NCK2: variants seen among roughly 807,000 people sequenced by gnomAD.
NCK2 encodes cytoplasmic protein NCK2.
Under a neutral mutation model 33.9 loss-of-function variants are expected in NCK2, and 16 were observed. That is an observed-to-expected ratio of 0.47 (90% CI 0.32 to 0.72). The LOEUF is 0.72. Ranked by LOEUF, NCK2 falls within the 30% of genes least tolerant of loss-of-function variation. The pLI is 0.03. For missense variants in NCK2, 418 were observed against 537.3 expected, an observed-to-expected ratio of 0.78 and a Z score of 2.19; for synonymous variants, 273 against 239.9, an observed-to-expected ratio of 1.14 and a Z score of -1.27.
chr2:105,746,689 G>T (rs566555989), intron 1 of NCK2, among the ~76,000 whole-genome samples: 10 of 152,304 alleles, frequency 6.6e-5, no homozygotes, highest in African/African-American at 2.4e-4. Flanking sequence ...GTTTTTTGAC[G>T]TTTGGAACAG....
intron 1 of NCK2, among the ~76,000 whole-genome samples, chr2:105,814,845 G>A (rs559186124): frequency 5.9e-5 from 9 of 152,312 alleles, no homozygotes; most frequent in South Asian, 2.1e-4. Flanking sequence ...CCAAACAACT[G>A]CATAAAACAA....
At chr2:105,846,457 A>G (rs763069551) in intron 2 of NCK2, 39 of 132,936 alleles carry the variant, frequency 2.9e-4, no homozygotes, top group Non-Finnish European at 4.9e-4. Flanking sequence ...GTAAAGATAA[A>G]TTAATGGTAG....
intron 1 of NCK2, among the ~76,000 whole-genome samples, chr2:105,791,848 G>A (rs548928688): frequency 5.9e-5 from 9 of 152,272 alleles, no homozygotes; most frequent in East Asian, 3.9e-4. Context: ...TTTAACACCC[G>A]AATAACTTAC....
At chr2:105,775,960 G>T (rs902067171) in intron 1 of NCK2, among the ~76,000 whole-genome samples, 5 of 152,238 alleles carry the variant, frequency 3.3e-5, no homozygotes, top group African/African-American at 1.2e-4. Context: ...AACAGTGCGA[G>T]GGATAATTGT....
At position 105,893,041 on chromosome 2, in the gene NCK2, G is replaced by C. The variant is rs1679055730; in HGVS notation, c.1008G>C (p.Gln336His). The C allele has an allele frequency of 6.2e-7, 1 of 1,614,210 alleles. No individual in the cohort carries two copies. Among genetic ancestry groups the C allele is most frequent in the Non-Finnish European group, 8.5e-7 (1 of 1,180,036 alleles). The change falls in exon 5 of 5, where the codon CAG becomes CAC. Residue 336 changes from glutamine to histidine, a missense_variant. Physicochemically the swap from Gln to His is conservative, Grantham distance 24. Coordinates refer to ENST00000233154, the MANE Select transcript of NCK2 (RefSeq NM_003581.5). ...ASGKNKHFKV[Q>H]LVDNVYCIGQ... ...GGAAGAACAAACACTTCAAGGTGCA[G>C]CTCGTGGACAATGTCTACTGCATTG...
At chr2:105,834,168 G>A (rs1676303523) in intron 2 of NCK2, among the ~76,000 whole-genome samples, 1 of 152,194 alleles carries the variant, frequency 6.6e-6, no homozygotes. Flanking sequence ...GATACATAGT[G>A]CAGTTTAAGT....
chr2:105,769,016 C>A (rs950785150), intron 1 of NCK2, among the ~76,000 whole-genome samples: 2 of 152,158 alleles, frequency 1.3e-5, no homozygotes, highest in African/African-American at 4.8e-5. Flanking sequence ...TTCCCACTCT[C>A]TAATCACACG....
At chr2:105,790,622 C>T (rs1421051629) in intron 1 of NCK2, among the ~76,000 whole-genome samples, 1 of 152,222 alleles carries the variant, frequency 6.6e-6, no homozygotes, top group Non-Finnish European at 1.5e-5. Context: ...CTTACTGCAT[C>T]CCCCGCACCT....
At chr2:105,799,375 C>A (rs1301304527) in intron 1 of NCK2, among the ~76,000 whole-genome samples, 1 of 151,942 alleles carries the variant, frequency 6.6e-6, no homozygotes, top group South Asian at 2.1e-4. Context: ...GGAATTTATC[C>A]TGTTGTGGGC....
At chr2:105,753,017 G>A (rs771835741) in intron 1 of NCK2, among the ~76,000 whole-genome samples, 12 of 152,192 alleles carry the variant, frequency 7.9e-5, no homozygotes, top group South Asian at 2.1e-4. Context: ...TATCTTCATC[G>A]CTAAGGAAAG....
chr2:105,764,522 A>G (rs12052296), intron 1 of NCK2, among the ~76,000 whole-genome samples: 51,208 of 152,108 alleles, frequency 0.34, 9,747 homozygotes, highest in East Asian at 0.46. Flanking sequence ...AGGAGGCAGA[A>G]TGATACTGGT....
intron 2 of NCK2, among the ~76,000 whole-genome samples, chr2:105,838,442 C>G (rs1056465042): frequency 3.9e-5 from 6 of 151,962 alleles, no homozygotes; most frequent in African/African-American, 1.5e-4. Flanking sequence ...GGAAGATTCA[C>G]TCTTTATTAC....
chr2:105,772,730 T>G lies in NCK2; in HGVS notation c.-201+27592T>G, dbSNP rs114341196. ...CTACTAGAGTTTTTCCCCGAAACTC[T>G]TCTTTCTGGAATTGACTTCTTCTCC... On this transcript the variant is annotated intron_variant, in intron 1 of 4. Coordinates refer to ENST00000233154, the MANE Select transcript of NCK2 (RefSeq NM_003581.5). Among the ~76,000 whole-genome samples, 1,317 of 152,128 alleles carry G rather than the reference T, an allele frequency of 8.7e-3. 29 individuals carry two copies. Among genetic ancestry groups the G allele is most frequent in the African/African-American group, 0.029 (1,209 of 41,520 alleles).
At position 105,758,465 on chromosome 2, in the gene NCK2, CAG is replaced by C. The variant is rs1247832693; in HGVS notation, c.-201+13328_-201+13329del. On this transcript the variant is annotated intron_variant, in intron 1 of 4. Coordinates refer to ENST00000233154, the MANE Select transcript of NCK2 (RefSeq NM_003581.5). Reference sequence around the variant, plus strand: ...TCGCTCTGTCACCCATGCTGGAGTGCAGTCGCTTGATCTCGGCTCACTGCAAC... The same window carrying C: ...TCGCTCTGTCACCCATGCTGGAGTGCTCGCTTGATCTCGGCTCACTGCAAC... 9.3e-3 allele frequency among the ~76,000 whole-genome samples: 1,352 copies of C among 145,346 alleles called. 22 individuals carry two copies. Among genetic ancestry groups the C allele is most frequent in the African/African-American group, 0.033 (1,285 of 39,446 alleles).
At chr2:105,808,238 A>G (rs1379936237) in intron 1 of NCK2, among the ~76,000 whole-genome samples, 3 of 152,284 alleles carry the variant, frequency 2.0e-5, no homozygotes, top group East Asian at 3.9e-4. Flanking sequence ...ACATCATTCA[A>G]TGCTTAAGAT....
chr2:105,808,495 G>A (rs1675169876), intron 1 of NCK2, among the ~76,000 whole-genome samples: 1 of 152,142 alleles, frequency 6.6e-6, no homozygotes, highest in South Asian at 2.1e-4. Flanking sequence ...CAAGCACATA[G>A]TCAGTGCTGG....
chr2:105,758,418 T>TG (rs898650275), intron 1 of NCK2, among the ~76,000 whole-genome samples: 4 of 150,372 alleles, frequency 2.7e-5, no homozygotes, highest in African/African-American at 7.3e-5. Context: ...TTTTTGTTTT[T>TG]TTTTTTTTTT....
At chr2:105,805,424 G>A (rs986200138) in intron 1 of NCK2, among the ~76,000 whole-genome samples, 2 of 152,086 alleles carry the variant, frequency 1.3e-5, no homozygotes, top group African/African-American at 4.8e-5. Flanking sequence ...AAAACACAGT[G>A]ATAGTAAAAT....
chr2:105,819,350 TG>T (rs1675636918), intron 2 of NCK2, among the ~76,000 whole-genome samples: 1 of 150,810 alleles, frequency 6.6e-6, no homozygotes, highest in African/African-American at 2.4e-5. Context: ...AAAAAGTCAT[TG>T]GGGTAGAACT....
Sources: allele counts gnomAD v4.1 joint callset (sites outside exome capture counted in the v4.1 genomes callset), GRCh38; gene constraint gnomAD v4.1.1; transcripts MANE v1.5; gene names NCBI Gene and HGNC (gene_info 2026-07-23, HGNC 2026-07-21).